Variants in PNLIPRP1 observed in about 807,000 individuals in gnomAD.
PNLIPRP1 encodes inactive pancreatic lipase-related protein 1.
A neutral mutation model predicts 54.6 loss-of-function variants in PNLIPRP1; 57 were observed. The observed-to-expected ratio is 1.04, with a 90% CI of 0.84 to 1.30. The LOEUF is 1.30. Ranked by LOEUF, PNLIPRP1 falls within the 50% of genes most tolerant of loss-of-function variation. The pLI is 0.00. For synonymous variants in PNLIPRP1, 232 were observed against 208.8 expected (o/e 1.11, Z -0.96); for missense variants, 567 against 568.5 (o/e 1.00, Z 0.03).
At chr10:116,604,685 T>C (rs1179967395) in intron 11 of PNLIPRP1, among the ~76,000 whole-genome samples, 2 of 142,564 alleles carry the variant, frequency 1.4e-5, no homozygotes, top group African/African-American at 2.6e-5. Context: ...CTCTCTCTTT[T>C]TTTTTTTTTT....
At chr10:116,592,300 G>A in intron 3 of PNLIPRP1, 116 bp from the exon 4 acceptor site, 1 of 1,201,794 alleles carries the variant, frequency 8.3e-7, no homozygotes, top group Admixed American at 2.3e-5. Context: ...CATGGAAGAA[G>A]TGGCTTTTTG....
intron 10 of PNLIPRP1, among the ~76,000 whole-genome samples, 166 bp downstream of exon 10, chr10:116,601,367 A>G (rs1164552798): frequency 6.6e-6 from 1 of 152,218 alleles, no homozygotes; most frequent in Non-Finnish European, 1.5e-5. Flanking sequence ...GAGGATTTAG[A>G]CAGAGTGTGC....
intron 2 of PNLIPRP1, 48 bp downstream of exon 2, chr10:116,591,226 C>T (rs1203634763): frequency 1.3e-6 from 2 of 1,489,868 alleles, no homozygotes; most frequent in South Asian, 1.1e-5. Context: ...AACTTAAGCT[C>T]TCAGCCCTGG....
chr10:116,603,780 C>T (rs1402124362), intron 10 of PNLIPRP1, among the ~76,000 whole-genome samples: 2 of 152,100 alleles, frequency 1.3e-5, no homozygotes, highest in Admixed American at 6.6e-5. Context: ...GTAGTCCCAG[C>T]TACTAGGGAG....
intron 11 of PNLIPRP1, 92 bp from the exon 12 acceptor site, chr10:116,605,294 G>C (rs782306761): frequency 1.5e-6 from 1 of 668,786 alleles, no homozygotes; most frequent in Non-Finnish European, 2.4e-6. Flanking sequence ...AAATAATCCT[G>C]TTAATCTAGA....
intron 12 of PNLIPRP1, among the ~76,000 whole-genome samples, chr10:116,608,629 G>T (rs1178565780): frequency 6.6e-6 from 1 of 152,254 alleles, no homozygotes; most frequent in Admixed American, 6.5e-5. Flanking sequence ...TTGCATAAGT[G>T]AATTAAGCAG....
rs973313386 is a variant in PNLIPRP1, at chr10:116,591,976, C to T, written c.204+51C>T. Reference sequence around the variant, plus strand: ...ACTGTAACTGGCACGGGGCTATGCCCACCCTGCAGACCATGAATACCTTAT... The same window carrying T: ...ACTGTAACTGGCACGGGGCTATGCCTACCCTGCAGACCATGAATACCTTAT... On this transcript the variant is annotated intron_variant, in intron 3 of 12. Transcript: ENST00000358834. The T allele has an allele frequency of 7.6e-6, 12 of 1,587,840 alleles. 1 individual carries two copies. The Admixed American group carries it at 1.7e-4, about 22-fold the overall frequency.
chr10:116,600,394 G>A (rs1847813800), intron 9 of PNLIPRP1: 2 of 442,886 alleles, frequency 4.5e-6, no homozygotes, highest in Non-Finnish European at 8.1e-6. Context: ...AAATCAGAGA[G>A]AAAGAGCAGT....
In PNLIPRP1 at chr10:116,598,126, T is replaced by A. The variant is rs781971262; in HGVS notation, c.774T>A (p.Asn258Lys). 6.2e-7 allele frequency: 1 copy of A among 1,614,136 alleles called. No homozygotes were observed. The highest frequency in any genetic ancestry group is 1.1e-5 in the South Asian group (1 of 91,070). Residue 258 changes from asparagine to lysine, a missense_variant, in exon 8 of 13, where the codon AAT becomes AAA. Transcript: ENST00000358834. ...AGAGCATGCCGGGATGCAAGAAGAA[T>A]GCCCTGTCTCAGATCGTGGATCTAG... is the stretch of plus-strand genomic sequence containing the variant. The part of the protein sequence containing the change: ...GGESMPGCKK[N>K]ALSQIVDLDG...
intron 4 of PNLIPRP1, chr10:116,594,011 G>A: frequency 6.2e-6 from 1 of 162,214 alleles, no homozygotes; most frequent in South Asian, 1.5e-4. Context: ...GTCCTGAGGA[G>A]AAAACTCCCA....
intron 12 of PNLIPRP1, 112 bp from the exon 13 acceptor site, chr10:116,608,941 G>C: frequency 1.2e-6 from 1 of 830,970 alleles, no homozygotes; most frequent in South Asian, 1.4e-5. Flanking sequence ...TGTGACCTGG[G>C]CTTAACCCCT....
chr10:116,597,157 A>G lies in PNLIPRP1; in HGVS notation c.575-671A>G, dbSNP rs546772576. 2.0e-5 allele frequency among the ~76,000 whole-genome samples: 3 copies of G among 152,300 alleles called. No individual in the cohort carries two copies. The South Asian group carries it at 6.2e-4, about 32-fold the overall frequency. On this transcript the variant is annotated intron_variant, in intron 6 of 12. Transcript: ENST00000358834. ...CCTATTTTATCAGCTGCTGTAATGAAGCCTTCAAAAACTATTAACAAATCC... is the reference window on the plus strand; with the variant it reads ...CCTATTTTATCAGCTGCTGTAATGAGGCCTTCAAAAACTATTAACAAATCC...
At chr10:116,608,687 C>T (rs1339462693) in intron 12 of PNLIPRP1, among the ~76,000 whole-genome samples, 1 of 152,234 alleles carries the variant, frequency 6.6e-6, no homozygotes, top group Non-Finnish European at 1.5e-5. Context: ...TGGCCGCTGT[C>T]CCCTTCCGAG....
chr10:116,591,205 G>T (rs782733875), intron 2 of PNLIPRP1, 27 bp downstream of exon 2: 1 of 1,598,074 alleles, frequency 6.3e-7, no homozygotes, highest in South Asian at 1.1e-5. Flanking sequence ...CTGCCCCGTA[G>T]GAAGGGCTTA....
chr10:116,596,190 G>T, intron 5 of PNLIPRP1, 24 bp from the exon 6 acceptor site: 2 of 1,506,514 alleles, frequency 1.3e-6, no homozygotes, highest in Non-Finnish European at 9.2e-7. Flanking sequence ...AAAATGTCCT[G>T]AAAATACAAT....
intron 8 of PNLIPRP1, 121 bp from the exon 9 acceptor site, chr10:116,599,926 A>T: frequency 1.4e-6 from 1 of 702,578 alleles, no homozygotes; most frequent in Non-Finnish European, 2.6e-6. Context: ...TGAATTTTGG[A>T]TTTATCTTAA....
intron 9 of PNLIPRP1, 152 bp from the exon 10 acceptor site, chr10:116,600,920 T>G: frequency 1.6e-6 from 1 of 626,792 alleles, no homozygotes; most frequent in Non-Finnish European, 2.7e-6. Context: ...CTGATCCAGA[T>G]GAAGGTAATT....
chr10:116,604,945 G>A (rs1847913211), intron 11 of PNLIPRP1, among the ~76,000 whole-genome samples: 1 of 151,832 alleles, frequency 6.6e-6, no homozygotes, highest in East Asian at 1.9e-4. Context: ...CACCCATCTC[G>A]GCCTCTCAAA....
At chr10:116,603,009 T>C (rs1191614588) in intron 10 of PNLIPRP1, among the ~76,000 whole-genome samples, 1 of 152,196 alleles carries the variant, frequency 6.6e-6, no homozygotes, top group East Asian at 1.9e-4. Flanking sequence ...CATGTTTGTG[T>C]ATATGTATTG....
Sources: gnomAD v4.1 joint callset for allele counts (sites outside exome capture counted in the v4.1 genomes callset) on GRCh38, gnomAD v4.1.1 for gene constraint, MANE v1.5 for transcripts, NCBI Gene and HGNC (gene_info 2026-07-23, HGNC 2026-07-21) for gene names.